Variants in EYA2 observed in about 807,000 individuals in gnomAD.
The protein encoded by EYA2 is protein phosphatase EYA2.
Under a neutral mutation model 69.2 loss-of-function variants are expected in EYA2, and 31 were observed. The ratio of observed to expected loss-of-function variants is 0.45; its 90% CI spans 0.34 to 0.60. The LOEUF (loss-of-function observed/expected upper bound fraction) is 0.60, where lower values mean the gene tolerates loss of function less well. Ranked by LOEUF, EYA2 falls within the 20% of genes least tolerant of loss-of-function variation. The probability of loss-of-function intolerance (pLI) is 0.02; values close to 1 mark genes in which losing one functional copy is unlikely to be tolerated. For synonymous variants in EYA2, 257 were observed against 279.4 expected (o/e 0.92, Z 0.80); for missense variants, 622 against 701.2 (o/e 0.89, Z 1.28).
At chr20:46,986,962 G>T (rs1401223133) in intron 1 of EYA2, among the ~76,000 whole-genome samples, 1 of 152,164 alleles carries the variant, frequency 6.6e-6, no homozygotes, top group Non-Finnish European at 1.5e-5. Context: ...AGATCAAAAA[G>T]TCCATGTACA....
chr20:47,040,131 G>A (rs905291702), intron 5 of EYA2, among the ~76,000 whole-genome samples: 7 of 152,182 alleles, frequency 4.6e-5, no homozygotes, highest in African/African-American at 9.6e-5. Flanking sequence ...ATGAGCCACC[G>A]CACCTGGCAA....
chr20:47,039,131 A>ACACACACACGCG (rs1491238896), intron 5 of EYA2, among the ~76,000 whole-genome samples: 14 of 98,620 alleles, frequency 1.4e-4, no homozygotes, highest in African/African-American at 4.6e-4. Flanking sequence ...ACACACACAC[A>ACACACACACGCG]CGCGCGCACA....
intron 7 of EYA2, among the ~76,000 whole-genome samples, chr20:47,084,887 G>T (rs2031844517): frequency 6.8e-6 from 1 of 147,334 alleles, no homozygotes; most frequent in African/African-American, 2.5e-5. Context: ...CCAGGCTGGA[G>T]TGCAGTGGTG....
intron 11 of EYA2, among the ~76,000 whole-genome samples, chr20:47,169,510 G>T (rs1177474491): frequency 1.3e-5 from 2 of 152,076 alleles, no homozygotes; most frequent in African/African-American, 4.8e-5. Context: ...GTAAAAATTT[G>T]TTTAAAAAAT....
At chr20:47,120,152 G>A (rs1240483723) in intron 9 of EYA2, among the ~76,000 whole-genome samples, 2 of 152,172 alleles carry the variant, frequency 1.3e-5, no homozygotes, top group African/African-American at 2.4e-5. Context: ...AGGTTGCAGT[G>A]AGCCAAGATT....
At chr20:47,107,578 C>T (rs1322848757) in intron 9 of EYA2, among the ~76,000 whole-genome samples, 1 of 149,880 alleles carries the variant, frequency 6.7e-6, no homozygotes, top group Non-Finnish European at 1.5e-5. Context: ...TGGTGGTGTA[C>T]CCCTGTAATC....
intron 1 of EYA2, among the ~76,000 whole-genome samples, chr20:46,971,167 A>G (rs1980123017): frequency 6.6e-6 from 1 of 152,208 alleles, no homozygotes; most frequent in African/African-American, 2.4e-5. Flanking sequence ...TGGTGAGTAG[A>G]TAGAAAAATA....
intron 9 of EYA2, among the ~76,000 whole-genome samples, chr20:47,131,968 A>G (rs1310569681): frequency 6.6e-6 from 1 of 152,134 alleles, no homozygotes; most frequent in Non-Finnish European, 1.5e-5. Flanking sequence ...ATGCACTTAG[A>G]TTTTGTTTTT....
intron 5 of EYA2, among the ~76,000 whole-genome samples, chr20:47,071,096 G>A (rs969517384): frequency 1.9e-4 from 29 of 151,890 alleles, no homozygotes; most frequent in Non-Finnish European, 3.4e-4. Context: ...TGCTACCTCC[G>A]CCTCCCGAGT....
Position 47,001,466 on chromosome 20 carries a change from TTC to T in EYA2, c.151_152del (p.Ser51GlnfsTer171). On this transcript the variant is annotated frameshift_variant, in exon 3 of 16. Coordinates refer to ENST00000327619, the MANE Select transcript of EYA2 (RefSeq NM_005244.5). LOFTEE classifies it high-confidence loss of function. ...KSAPLRVSQL[F>X]SRSCPRVLPR... is the part of the protein sequence containing the mutation. The stretch of plus-strand genomic sequence containing the variant: ...GGCCCCCCTGAGAGTGTCCCAGCTC[TTC>T]TCCAGGTGAGTGCCATTCACTTGTC... The T allele has an allele frequency of 6.2e-7, 1 of 1,614,188 alleles. No homozygotes were observed. The highest frequency in any genetic ancestry group is 1.1e-5 in the South Asian group (1 of 91,078).
intron 10 of EYA2, among the ~76,000 whole-genome samples, chr20:47,162,157 C>G (rs2034081566): frequency 6.6e-6 from 1 of 152,254 alleles, no homozygotes; most frequent in Middle Eastern, 3.4e-3. Flanking sequence ...TCCAAATACC[C>G]CCTTTATAAG....
intron 13 of EYA2, 126 bp downstream of exon 13, chr20:47,180,038 A>AT (rs56740888): frequency 0.014 from 7,540 of 527,320 alleles, no homozygotes; most frequent in East Asian, 0.031. Flanking sequence ...CTTTCCAAAT[A>AT]TTTTTTTTTT....
At chr20:47,156,077 CAT>C (rs1352072537) in intron 10 of EYA2, among the ~76,000 whole-genome samples, 2,488 of 79,710 alleles carry the variant, frequency 0.031, 252 homozygotes, top group African/African-American at 0.13. Flanking sequence ...CACACACACA[CAT>C]ATATATACAT....
intron 9 of EYA2, among the ~76,000 whole-genome samples, chr20:47,123,214 G>A (rs936203421): frequency 6.6e-6 from 1 of 152,026 alleles, no homozygotes; most frequent in Non-Finnish European, 1.5e-5. Context: ...GGTACATGGT[G>A]ATGTTTCGAT....
At chr20:46,908,919 A>C in intron 1 of EYA2, among the ~76,000 whole-genome samples, 1 of 113,926 alleles carries the variant, frequency 8.8e-6, no homozygotes, top group Non-Finnish European at 1.6e-5. Flanking sequence ...CCAATTCCTG[A>C]CCAGAAAGGA....
intron 3 of EYA2, among the ~76,000 whole-genome samples, chr20:47,003,843 T>C (rs1982526601): frequency 6.6e-6 from 1 of 152,232 alleles, no homozygotes; most frequent in Admixed American, 6.5e-5. Flanking sequence ...TCATTTAAGC[T>C]CTATATTTAC....
At chr20:46,987,958 CTCTCTCTATA>C (rs1462568023) in intron 1 of EYA2, among the ~76,000 whole-genome samples, 28 of 33,756 alleles carry the variant, frequency 8.3e-4, no homozygotes, top group East Asian at 7.8e-3. Flanking sequence ...CTCTCTCTCT[CTCTCTCTATA>C]TATATATATA....
intron 5 of EYA2, among the ~76,000 whole-genome samples, chr20:47,065,007 G>A (rs2098332586): frequency 1.3e-5 from 2 of 152,214 alleles, no homozygotes; most frequent in South Asian, 4.1e-4. Flanking sequence ...AGGCAAAGGA[G>A]GAGCAAAGTC....
intron 1 of EYA2, chr20:46,979,829 T>A (rs1421483054): frequency 1.3e-5 from 2 of 152,204 alleles, no homozygotes; most frequent in Non-Finnish European, 2.9e-5. Context: ...GCAAATAATC[T>A]CAGCTGCCCT....
Sources: allele counts gnomAD v4.1 joint callset (sites outside exome capture counted in the v4.1 genomes callset), GRCh38; gene constraint gnomAD v4.1.1; transcripts MANE v1.5; gene names NCBI Gene and HGNC (gene_info 2026-07-23, HGNC 2026-07-21).